Variants in SPIRE1 observed in about 807,000 individuals in gnomAD.
The protein encoded by SPIRE1 is protein spire homolog 1.
A neutral mutation model predicts 94.1 loss-of-function variants in SPIRE1; 40 were observed. That is an observed-to-expected ratio of 0.43 (90% CI 0.33 to 0.55). The LOEUF (loss-of-function observed/expected upper bound fraction) is 0.55, where lower values mean the gene tolerates loss of function less well. Among genes scored for constraint, SPIRE1 ranks in the 20% least tolerant of loss-of-function variants. SPIRE1 has a pLI of 0.06. For synonymous variants in SPIRE1, 376 were observed against 371.7 expected (o/e 1.01, Z -0.13); for missense variants, 838 against 975.2 (o/e 0.86, Z 1.87).
At chr18:12,543,302 C>CA (rs911593154) in intron 3 of SPIRE1, among the ~76,000 whole-genome samples, 4 of 152,082 alleles carry the variant, frequency 2.6e-5, no homozygotes, top group African/African-American at 9.6e-5. Context: ...AGAAACAAAA[C>CA]AAAAAAAGAT....
chr18:12,651,458 C>T (rs1442360042), intron 1 of SPIRE1, among the ~76,000 whole-genome samples: 1 of 152,096 alleles, frequency 6.6e-6, no homozygotes, highest in Non-Finnish European at 1.5e-5. Context: ...GGGTGGATCA[C>T]AAGGTCAGGA....
At chr18:12,569,234 T>G (rs537021879) in intron 2 of SPIRE1, among the ~76,000 whole-genome samples, 34 of 151,350 alleles carry the variant, frequency 2.2e-4, no homozygotes, top group Non-Finnish European at 4.0e-4. Flanking sequence ...TCCCAGCTAC[T>G]CGGGAGGCTG....
At chr18:12,507,561 T>C (rs1299970497) in intron 5 of SPIRE1, among the ~76,000 whole-genome samples, 2 of 151,814 alleles carry the variant, frequency 1.3e-5, no homozygotes, top group African/African-American at 4.8e-5. Flanking sequence ...TAGCTGGGTG[T>C]GGTGGTGTGC....
intron 10 of SPIRE1, among the ~76,000 whole-genome samples, chr18:12,466,584 G>C (rs368137058): frequency 5.9e-5 from 9 of 152,162 alleles, no homozygotes; most frequent in African/African-American, 2.2e-4. Context: ...CCAGCCTATA[G>C]GCATTTTTAG....
chr18:12,593,067 G>A (rs973468676), intron 2 of SPIRE1, among the ~76,000 whole-genome samples: 4 of 152,156 alleles, frequency 2.6e-5, no homozygotes, highest in African/African-American at 7.2e-5. Context: ...ATTACTCTTC[G>A]TGTTACAAAA....
chr18:12,494,402 T>A (rs1212127539), intron 7 of SPIRE1, among the ~76,000 whole-genome samples: 1 of 152,122 alleles, frequency 6.6e-6, no homozygotes, highest in East Asian at 1.9e-4. Context: ...ACATGGTCCA[T>A]GCTCCTTCTG....
intron 2 of SPIRE1, among the ~76,000 whole-genome samples, chr18:12,569,509 G>A (rs978543233): frequency 2.0e-5 from 3 of 151,914 alleles, no homozygotes; most frequent in South Asian, 2.1e-4. Flanking sequence ...AGACAAGGGG[G>A]GCTACCAGAA....
chr18:12,562,268 C>A (rs2144400655), intron 2 of SPIRE1, among the ~76,000 whole-genome samples: 1 of 152,076 alleles, frequency 6.6e-6, no homozygotes, highest in East Asian at 1.9e-4. Context: ...TTAATTTATT[C>A]TCATAATAAT....
chr18:12,590,398 T>G (rs1192498756), intron 2 of SPIRE1, among the ~76,000 whole-genome samples: 1 of 152,166 alleles, frequency 6.6e-6, no homozygotes, highest in East Asian at 1.9e-4. Flanking sequence ...CCGCATCTCC[T>G]AATTTCTGAA....
chr18:12,491,266 T>C lies in SPIRE1; in HGVS notation c.1189+1806A>G, dbSNP rs117571656. 2.4e-5 allele frequency among the ~76,000 whole-genome samples: 3 copies of C among 122,998 alleles called. No individual in the cohort carries two copies. In the East Asian group the frequency reaches 6.8e-4, roughly 28 times the overall value. 80.7% of individuals were successfully genotyped at this position (122,998 alleles called of 152,430 possible). On this transcript the variant is annotated intron_variant, in intron 8 of 16. Transcript: ENST00000409402. ...AATAGAATCCCCAAGAAAATCCTAA[T>C]GGTATTTTTTACAGAAGTAGAAGAT...
intron 16 of SPIRE1, chr18:12,451,089 T>C (rs191014137): frequency 3.5e-5 from 14 of 396,168 alleles, no homozygotes; most frequent in Admixed American, 2.9e-4. Flanking sequence ...AAAAAAGAAA[T>C]AATACTAAAA....
At chr18:12,510,446 C>T (rs2034000453) in intron 5 of SPIRE1, among the ~76,000 whole-genome samples, 1 of 151,972 alleles carries the variant, frequency 6.6e-6, no homozygotes, top group Admixed American at 6.6e-5. Flanking sequence ...TCAAAAGCAA[C>T]CCATTCATAT....
chr18:12,503,085 G>A (rs1232170219), intron 6 of SPIRE1, among the ~76,000 whole-genome samples: 1 of 150,818 alleles, frequency 6.6e-6, no homozygotes. Flanking sequence ...CTCCAGCCTG[G>A]GCAACAGAGT....
intron 2 of SPIRE1, among the ~76,000 whole-genome samples, chr18:12,626,042 GC>G (rs35890423): frequency 0.35 from 42,985 of 122,292 alleles, 7,377 homozygotes; most frequent in Middle Eastern, 0.4. Flanking sequence ...ACACCGCCCC[GC>G]CCCCCCCCAA....
chr18:12,561,513 G>A (rs904192483), intron 2 of SPIRE1, among the ~76,000 whole-genome samples: 11 of 152,090 alleles, frequency 7.2e-5, no homozygotes, highest in African/African-American at 9.7e-5. Flanking sequence ...TGATCCGCCC[G>A]CCTTGGCCTC....
At chr18:12,614,816 C>G (rs1361917198) in intron 2 of SPIRE1, among the ~76,000 whole-genome samples, 1 of 151,772 alleles carries the variant, frequency 6.6e-6, no homozygotes, top group Non-Finnish European at 1.5e-5. Flanking sequence ...AAGACTCTGT[C>G]TTAGAAAAAA....
chr18:12,577,947 A>T (rs1331111260), intron 2 of SPIRE1, among the ~76,000 whole-genome samples: 1 of 152,246 alleles, frequency 6.6e-6, no homozygotes, highest in Non-Finnish European at 1.5e-5. Flanking sequence ...GCTTATAAGC[A>T]TGTGAATAAA....
rs1234229698 is a variant in SPIRE1 at position 12,615,327 on chromosome 18, C to CAAAAAAAAAAAAA, written c.372+19722_372+19734dup. ...GGGCAACAAGAGTGAAACTCTGTCTCAAAAAAAAAAAAAAAAAAATATATA... is the reference window on the plus strand; with the variant it reads ...GGGCAACAAGAGTGAAACTCTGTCTCAAAAAAAAAAAAAAAAAAAAAAAAAAAAAAAATATATA... On this transcript the variant is annotated intron_variant, in intron 2 of 16. Coordinates refer to ENST00000409402, the MANE Select transcript of SPIRE1 (RefSeq NM_001128626.2). Among the ~76,000 whole-genome samples, 17 of 2,188 alleles carry CAAAAAAAAAAAAA rather than the reference C, an allele frequency of 7.8e-3. 1 individual carries two copies. Among genetic ancestry groups the CAAAAAAAAAAAAA allele is most frequent in the East Asian group, 0.016 (1 of 64 alleles). 1.4% of individuals were successfully genotyped at this position (2,188 alleles called of 152,430 possible). A position where few individuals can be genotyped will look rare whatever the true frequency, so the allele number is the denominator to read the frequency against.
At chr18:12,536,572 A>T (rs1216237122) in intron 3 of SPIRE1, among the ~76,000 whole-genome samples, 2 of 152,114 alleles carry the variant, frequency 1.3e-5, no homozygotes, top group East Asian at 3.8e-4. Context: ...CCTCATCAGT[A>T]GATGGGGAGT....
Sources: allele counts gnomAD v4.1 joint callset (sites outside exome capture counted in the v4.1 genomes callset), GRCh38; gene constraint gnomAD v4.1.1; transcripts MANE v1.5; gene names NCBI Gene and HGNC (gene_info 2026-07-23, HGNC 2026-07-21).